The following RBFOX2 variants were observed in gnomAD, a reference collection of about 807,000 sequenced individuals.
The protein encoded by RBFOX2 is RNA binding fox-1 homolog 2, also known as RNA binding protein fox-1 homolog 2.
Under a neutral mutation model 49.1 loss-of-function variants are expected in RBFOX2, and 10 were observed. The observed-to-expected ratio is 0.20, with a 90% CI of 0.13 to 0.35. The LOEUF is 0.35. Among genes scored for constraint, RBFOX2 ranks in the 10% least tolerant of loss-of-function variants. RBFOX2 has a pLI of 1.00. For synonymous variants in RBFOX2, 183 were observed against 187.4 expected (o/e 0.98, Z 0.19); for missense variants, 323 against 486.9 (o/e 0.66, Z 3.17).
At chr22:35,777,081 G>A (rs187079146) in intron 4 of RBFOX2, among the ~76,000 whole-genome samples, 6 of 150,418 alleles carry the variant, frequency 4.0e-5, no homozygotes, top group Admixed American at 6.6e-5. Flanking sequence ...GCGCAATCTC[G>A]GCTCACTGTA....
At chr22:35,757,690 CA>C (rs1937397373) in intron 9 of RBFOX2, among the ~76,000 whole-genome samples, 1 of 152,132 alleles carries the variant, frequency 6.6e-6, no homozygotes, top group Non-Finnish European at 1.5e-5. Flanking sequence ...AAAGGCAAAT[CA>C]AACTCATCTC....
intron 1 of RBFOX2, chr22:35,994,160 T>C (rs1214163284): frequency 6.6e-6 from 1 of 151,406 alleles, no homozygotes; most frequent in East Asian, 1.9e-4. Context: ...TAAAATTTTG[T>C]AGTAGCCATA....
exon 1 of RBFOX2, among the ~76,000 whole-genome samples, chr22:36,028,593 C>A (rs1258288910): frequency 6.7e-6 from 1 of 148,840 alleles, no homozygotes; most frequent in Non-Finnish European, 1.5e-5. Flanking sequence ...GCCTCGCGGC[C>A]GCCGCTCCTT....
At chr22:36,023,210 T>G (rs2059310092) in intron 1 of RBFOX2, among the ~76,000 whole-genome samples, 1 of 152,134 alleles carries the variant, frequency 6.6e-6, no homozygotes, top group South Asian at 2.1e-4. Flanking sequence ...GAAGATAAAC[T>G]ACTTCAATAA....
At chr22:35,992,820 C>CTATG (rs998443881) in intron 1 of RBFOX2, 6 of 152,194 alleles carry the variant, frequency 3.9e-5, no homozygotes, top group Non-Finnish European at 7.3e-5. Flanking sequence ...CTGGAAACAT[C>CTATG]TATGTCTCTG....
intron 1 of RBFOX2, among the ~76,000 whole-genome samples, chr22:35,900,373 T>C (rs911549901): frequency 6.6e-5 from 10 of 151,834 alleles, no homozygotes; most frequent in Non-Finnish European, 1.0e-4. Context: ...TGTAAGAGGA[T>C]AGCGGGGGGA....
At chr22:35,953,994 C>T (rs1173040784) in intron 1 of RBFOX2, among the ~76,000 whole-genome samples, 2 of 152,052 alleles carry the variant, frequency 1.3e-5, no homozygotes, top group Non-Finnish European at 2.9e-5. Flanking sequence ...TAGGTTAGCC[C>T]TTCCTTTCAA....
intron 1 of RBFOX2, among the ~76,000 whole-genome samples, chr22:35,881,966 AAAAAG>A (rs2045964036): frequency 6.6e-6 from 1 of 152,066 alleles, no homozygotes; most frequent in African/African-American, 2.4e-5. Context: ...CTCAAAAGAA[AAAAAG>A]AAAAGAAAGA....
chr22:36,021,973 C>T (rs1228211284), intron 1 of RBFOX2, among the ~76,000 whole-genome samples: 1 of 152,206 alleles, frequency 6.6e-6, no homozygotes. Flanking sequence ...TACTCACCAT[C>T]CCTCACTCCA....
At chr22:35,892,675 A>G (rs2047386299) in intron 1 of RBFOX2, among the ~76,000 whole-genome samples, 1 of 152,212 alleles carries the variant, frequency 6.6e-6, no homozygotes, top group Non-Finnish European at 1.5e-5. Flanking sequence ...GAGGTGATAC[A>G]GTATGTTTGA....
intron 2 of RBFOX2, among the ~76,000 whole-genome samples, chr22:35,786,861 T>C (rs1946507750): frequency 6.6e-6 from 1 of 152,144 alleles, no homozygotes; most frequent in Non-Finnish European, 1.5e-5. Context: ...GTGAAATCAC[T>C]TCCTTTCTAG....
chr22:35,828,178 AG>A (rs1005273625), intron 1 of RBFOX2, among the ~76,000 whole-genome samples: 1 of 151,566 alleles, frequency 6.6e-6, no homozygotes. Context: ...AAAAAAAAAA[AG>A]AAACAGATTT....
chr22:35,821,919 A>G, intron 1 of RBFOX2: 1 of 519,022 alleles, frequency 1.9e-6, no homozygotes, highest in South Asian at 1.4e-5. Context: ...ATGGGAGGAA[A>G]CCATAAACAC....
At chr22:35,788,693 T>C (rs1652434075) in intron 2 of RBFOX2, among the ~76,000 whole-genome samples, 3 of 152,254 alleles carry the variant, frequency 2.0e-5, no homozygotes, top group Admixed American at 2.0e-4. Context: ...ATGTGACTTT[T>C]TTCTTCTCTC....
chr22:35,877,162 A>C (rs918797909), intron 1 of RBFOX2, among the ~76,000 whole-genome samples: 2 of 152,202 alleles, frequency 1.3e-5, no homozygotes, highest in African/African-American at 4.8e-5. Context: ...AAATTAGGTA[A>C]TTTTTTATTT....
At chr22:35,955,559 G>C (rs2055449169) in intron 1 of RBFOX2, among the ~76,000 whole-genome samples, 1 of 151,316 alleles carries the variant, frequency 6.6e-6, no homozygotes, top group African/African-American at 2.4e-5. Flanking sequence ...GTGGGGTAGG[G>C]TGGGGATAGT....
intron 1 of RBFOX2, among the ~76,000 whole-genome samples, chr22:35,857,313 C>T (rs1027030748): frequency 1.3e-5 from 2 of 152,124 alleles, no homozygotes; most frequent in African/African-American, 4.8e-5. Flanking sequence ...CAATTAGCAG[C>T]TACCATTACA....
chr22:35,840,838 A>C (rs1183415974), upstream of RBFOX2, among the ~76,000 whole-genome samples: 3 of 152,242 alleles, frequency 2.0e-5, no homozygotes, highest in Non-Finnish European at 4.4e-5. Context: ...TTTAATATTA[A>C]TAAAACATTT....
intron 1 of RBFOX2, among the ~76,000 whole-genome samples, chr22:36,002,180 T>C (rs2058454026): frequency 6.6e-6 from 1 of 152,114 alleles, no homozygotes; most frequent in African/African-American, 2.4e-5. Context: ...AATAGAAAAA[T>C]GTCCCTCTGA....
Sources: gnomAD v4.1 joint callset for allele counts (sites outside exome capture counted in the v4.1 genomes callset) on GRCh38, gnomAD v4.1.1 for gene constraint, MANE v1.5 for transcripts, NCBI Gene and HGNC (gene_info 2026-07-23, HGNC 2026-07-21) for gene names.